NOP2: variants seen among roughly 807,000 people sequenced by gnomAD.
NOP2 encodes NOP2 nucleolar protein, also known as 28S rRNA (cytosine(4447)-C(5))-methyltransferase.
NOP2 carries 7 observed loss-of-function variants against 72.7 expected under a neutral mutation model. The observed-to-expected ratio is 0.10, with a 90% confidence interval of 0.05 to 0.18. NOP2 has a LOEUF of 0.18. NOP2 is among the 10% of genes least tolerant of loss of function. The probability of loss-of-function intolerance (pLI) is 1.00; values close to 1 mark genes in which losing one functional copy is unlikely to be tolerated. For synonymous variants in NOP2, 387 were observed against 388.0 expected (o/e 1.00, Z 0.03); for missense variants, 954 against 1,014.7 (o/e 0.94, Z 0.81).
At chr12:6,564,274 TC>T in intron 5 of NOP2, 3 of 55,438 alleles carry the variant, frequency 5.4e-5, no homozygotes, top group South Asian at 3.8e-4. Flanking sequence ...AGACTTCATC[TC>T]AAAAAAAAAA....
intron 9 of NOP2, 80 bp from the exon 10 acceptor site, chr12:6,562,051 C>G: frequency 3.7e-6 from 4 of 1,067,450 alleles, no homozygotes; most frequent in Non-Finnish European, 5.6e-6. Flanking sequence ...TGAGGTGGCG[C>G]AATCTCGGCT....
At chr12:6,557,791 C>T in intron 15 of NOP2, 149 bp from the exon 16 acceptor site, 1 of 851,206 alleles carries the variant, frequency 1.2e-6, no homozygotes, top group South Asian at 1.8e-5. Flanking sequence ...CCTAAATTCC[C>T]ATTACTTAAT....
chr12:6,564,727 C>T (rs936769520), intron 5 of NOP2, among the ~76,000 whole-genome samples: 3 of 150,574 alleles, frequency 2.0e-5, no homozygotes, highest in African/African-American at 7.4e-5. Flanking sequence ...CCGTGCCTGG[C>T]CCATTTTGTC....
At position 6,563,626 on chromosome 12, in the gene NOP2, C is replaced by G. The variant is rs1340586027; in HGVS notation, c.676G>C (p.Glu226Gln). 2.5e-6 allele frequency: 4 copies of G among 1,611,976 alleles called. No homozygotes were observed. The Admixed American group carries it at 6.7e-5, about 27-fold the overall frequency. Residue 226 changes from glutamate to glutamine, a missense_variant, in exon 7 of 16, where the codon GAG becomes CAG. Coordinates refer to ENST00000322166, the MANE Select transcript of NOP2 (RefSeq NM_001258308.2). ...EEPFVLPPAGEMEQDAQAPDL... is the reference protein window; with the variant it reads ...EEPFVLPPAGQMEQDAQAPDL... ...CCTGCAAGGATATCCTGCTCCATCTCCCCAGCAGGGGGCAGCACAAATGGT... is the reference window on the plus strand; with the variant it reads ...CCTGCAAGGATATCCTGCTCCATCTGCCCAGCAGGGGGCAGCACAAATGGT...
In NOP2 at chr12:6,563,116, T is replaced by C. The variant is rs1418227403; in HGVS notation, c.943A>G (p.Asn315Asp). 6.3e-7 allele frequency: 1 copy of C among 1,597,460 alleles called. No homozygotes were observed. Among genetic ancestry groups the C allele is most frequent in the Non-Finnish European group, 8.5e-7 (1 of 1,172,306 alleles). Residue 315 changes from asparagine to aspartate, a missense_variant, in exon 9 of 16, where the codon AAT becomes GAT. Transcript: ENST00000322166. ...EVPRPVTLRTNTLKTRRRDLA... is the reference protein window; with the variant it reads ...EVPRPVTLRTDTLKTRRRDLA... The stretch of plus-strand genomic sequence containing the variant: ...TCTCGGCGTCGGGTTTTCAAGGTAT[T>C]GGTCCGGAGGGTGACGGGCCGAGGC...
At chr12:6,562,244 C>A (rs1173129149) in intron 9 of NOP2, among the ~76,000 whole-genome samples, 1 of 152,142 alleles carries the variant, frequency 6.6e-6, no homozygotes, top group Non-Finnish European at 1.5e-5. Context: ...CCCGCCTCGG[C>A]CTCCCAAAGT....
In NOP2 at chr12:6,560,382, G is replaced by A; in HGVS notation, c.1561-56C>T. 6.2e-7 allele frequency: 1 copy of A among 1,603,216 alleles called. No homozygotes were observed. Among genetic ancestry groups the A allele is most frequent in the Non-Finnish European group, 8.5e-7 (1 of 1,172,528 alleles). On this transcript the variant is annotated intron_variant, in intron 14 of 15. Transcript: ENST00000322166. The surrounding 1 kb of genome is among the most constrained non-coding windows in gnomAD (Gnocchi z 5.0). ...GAAAAAGCAGAGCTGGAGCTGAAGG[G>A]AGCTCTAAGGGGCAAAGAGCCCCCC...
chr12:6,564,149 C>T (rs1427928372), intron 5 of NOP2: 3 of 1,445,552 alleles, frequency 2.1e-6, no homozygotes, highest in Non-Finnish European at 2.8e-6. Context: ...GTGGCACACA[C>T]CTGTAAATCC....
Position 6,560,357 on chromosome 12 carries a change from G to A in NOP2, c.1561-31C>T. 1 of 1,608,678 alleles carries A rather than the reference G, an allele frequency of 6.2e-7. No homozygotes were observed. Among genetic ancestry groups the A allele is most frequent in the South Asian group, 1.1e-5 (1 of 90,870 alleles). ...TGTGGGGGGAAGACAAAGAACGGAG[G>A]AAAAAGCAGAGCTGGAGCTGAAGGG... On this transcript the variant is annotated intron_variant, in intron 14 of 15. Transcript: ENST00000322166. This position sits in a 1 kb window ranked among gnomAD's most constrained non-coding sequence, Gnocchi z 5.0.
Position 6,557,150 on chromosome 12 carries a change from G to A in NOP2, c.2282C>T (p.Pro761Leu). ...RAKGVEKQQL[P>L]EQPFEKAAFQ... is the part of the protein sequence containing the mutation. ...GGCAGCTTTCTCAAAAGGCTGCTCT[G>A]GCAACTGCTGCTTCTCAACCCCCTT... The change falls in exon 16 of 16, where the codon CCA becomes CTA. Residue 761 changes from proline to leucine, a missense_variant. Transcript: ENST00000322166. 2 of 1,613,978 alleles carry A rather than the reference G, an allele frequency of 1.2e-6. No individual in the cohort carries two copies. Among genetic ancestry groups the A allele is most frequent in the Non-Finnish European group, 1.7e-6 (2 of 1,179,892 alleles).
Position 6,563,170 on chromosome 12 carries a change from G to A in NOP2, c.889C>T (p.Leu297=). Residue 297 remains leucine (L), a splice_region_variant and synonymous_variant, in exon 9 of 16, where the codon CTG becomes TTG. Transcript: ENST00000322166. ...KLMDLFPLSE[L]VEFLEANEVP... is the part of the protein sequence containing the mutation. Reference sequence around the variant, plus strand: ...TCATTAGCTTCTAAGAACTCCACCAGCTGCGGGGCAAGACAGCAGGGAATA... The same window carrying A: ...TCATTAGCTTCTAAGAACTCCACCAACTGCGGGGCAAGACAGCAGGGAATA... The A allele has an allele frequency of 6.3e-7, 1 of 1,586,214 alleles. No homozygotes were observed. Among genetic ancestry groups the A allele is most frequent in the Non-Finnish European group, 8.6e-7 (1 of 1,166,394 alleles).
chr12:6,566,688 T>A, intron 3 of NOP2, 71 bp from the exon 4 acceptor site: 1 of 1,576,482 alleles, frequency 6.3e-7, no homozygotes. Flanking sequence ...ATTTCCACCA[T>A]AGGGAAATGT....
chr12:6,567,220 C>T (rs1177851751), intron 2 of NOP2, among the ~76,000 whole-genome samples: 1 of 152,080 alleles, frequency 6.6e-6, no homozygotes, highest in African/African-American at 2.4e-5. Context: ...AAAGTGTTTC[C>T]TTAATAGTGC....
At chr12:6,561,194 A>T (rs1384526262) in intron 11 of NOP2, 124 bp from the exon 12 acceptor site, 11 of 1,166,930 alleles carry the variant, frequency 9.4e-6, no homozygotes, top group Admixed American at 2.2e-5. Context: ...GCTCCCAACA[A>T]GCCTGCCTAC....
At chr12:6,568,077 C>A (rs1486596645) in intron 1 of NOP2, 130 bp downstream of exon 1, 1 of 610,438 alleles carries the variant, frequency 1.6e-6, no homozygotes, top group Admixed American at 2.9e-5. Flanking sequence ...GACTCAAGCA[C>A]CCCCGCTATC....
rs1555151331 is a variant in NOP2, at chr12:6,560,600, C to T, written c.1438-31G>A. On this transcript the variant is annotated intron_variant, in intron 13 of 15. Transcript: ENST00000322166. This position sits in a 1 kb window ranked among gnomAD's most constrained non-coding sequence, Gnocchi z 5.0. ...CCAAAAAGAGACCCAAAGGCAGCCT[C>T]AGGAGGAGAGGGGAGCCCAGAGGGT... 6.2e-7 allele frequency: 1 copy of T among 1,602,108 alleles called. No homozygotes were observed. Among genetic ancestry groups the T allele is most frequent in the African/African-American group, 1.3e-5 (1 of 74,592 alleles).
Position 6,560,040 on chromosome 12 carries a change from C to T in NOP2, c.1789+58G>A. 2.4e-6 allele frequency: 3 copies of T among 1,266,696 alleles called. No homozygotes were observed. The highest frequency in any genetic ancestry group is 1.7e-5 in the Admixed American group (1 of 57,220). The allele number at this position is 1,266,696 out of a possible 1,614,324, so 78.5% of individuals were successfully genotyped here. A position where few individuals can be genotyped will look rare whatever the true frequency, so the allele number is the denominator to read the frequency against. On this transcript the variant is annotated intron_variant, in intron 15 of 15. Coordinates refer to ENST00000322166, the MANE Select transcript of NOP2 (RefSeq NM_001258308.2). The surrounding 1 kb of genome is among the most constrained non-coding windows in gnomAD (Gnocchi z 5.0). ...CCCTTCCTCTTGTCACACCATAAAGCCTCCTGAAAGGTGGAAAGAGCAAAG... is the reference window on the plus strand; with the variant it reads ...CCCTTCCTCTTGTCACACCATAAAGTCTCCTGAAAGGTGGAAAGAGCAAAG...
intron 11 of NOP2, among the ~76,000 whole-genome samples, chr12:6,561,279 A>G (rs2136171160): frequency 6.6e-6 from 1 of 152,316 alleles, no homozygotes; most frequent in Middle Eastern, 3.4e-3. Flanking sequence ...CATTTTTACC[A>G]AACACCTATG....
chr12:6,567,639 TCTACGACCTAAACAGTTCC>T, intron 2 of NOP2, 158 bp downstream of exon 2: 1 of 543,240 alleles, frequency 1.8e-6, no homozygotes, highest in East Asian at 3.2e-5. Context: ...TCTTCACATC[TCTACGACCTAAACAGTTCC>T]CTACAATCTA....
Sources: allele counts gnomAD v4.1 joint callset (sites outside exome capture counted in the v4.1 genomes callset), GRCh38; gene constraint gnomAD v4.1.1; non-coding constraint Gnocchi (gnomAD v3.1); transcripts MANE v1.5; gene names NCBI Gene and HGNC (gene_info 2026-07-23, HGNC 2026-07-21).